The following TIMM50 variants were observed in gnomAD, a reference collection of about 807,000 sequenced individuals.
TIMM50 encodes mitochondrial import inner membrane translocase subunit TIM50.
Under a neutral mutation model 49.6 loss-of-function variants are expected in TIMM50, and 34 were observed. The ratio of observed to expected loss-of-function variants is 0.69; its 90% CI spans 0.52 to 0.91. TIMM50 has a LOEUF of 0.91. TIMM50 is among the 40% of genes least tolerant of loss of function. TIMM50 has a pLI of 0.00. For synonymous variants in TIMM50, 199 were observed against 198.4 expected, an observed-to-expected ratio of 1.00 and a Z score of -0.03; for missense variants, 458 against 477.8, an observed-to-expected ratio of 0.96 and a Z score of 0.39.
chr19:39,487,998 G>A, intron 8 of TIMM50, 63 bp from the exon 9 acceptor site: 1 of 1,559,574 alleles, frequency 6.4e-7, no homozygotes, highest in Non-Finnish European at 8.7e-7. Context: ...TGTGTGTTTT[G>A]GGTCTTCTTG....
In TIMM50 at chr19:39,492,313, C is replaced by G. The variant is rs2079550583; in HGVS notation, c.*2493C>G. On this transcript the variant is annotated 3_prime_UTR_variant, in exon 11 of 11. Coordinates refer to ENST00000607714, the MANE Select transcript of TIMM50 (RefSeq NM_001001563.5). ...TGGGCAACATGGGAAGAGCCTGTCT[C>G]TTGCGGGGGGGGGAGAAGAAAGTTC... The G allele has an allele frequency of 7.7e-6, 1 of 129,572 alleles. No individual in the cohort carries two copies. The highest frequency in any genetic ancestry group is 2.7e-4 in the South Asian group (1 of 3,686). 8.0% of individuals were successfully genotyped at this position (129,572 alleles called of 1,614,324 possible). A position where few individuals can be genotyped will look rare whatever the true frequency, so the allele number is the denominator to read the frequency against.
At chr19:39,486,891 G>A (rs1476225413) in intron 8 of TIMM50, among the ~76,000 whole-genome samples, 1 of 152,218 alleles carries the variant, frequency 6.6e-6, no homozygotes, top group African/African-American at 2.4e-5. Flanking sequence ...GTATTCAGGA[G>A]TCCGGATCTG....
intron 4 of TIMM50, chr19:39,485,273 T>G: frequency 2.0e-6 from 1 of 502,426 alleles, no homozygotes; most frequent in Non-Finnish European, 3.6e-6. Flanking sequence ...TGTATGTGGG[T>G]TTTAAGTGGG....
At chr19:39,482,471 C>T (rs559465198) in intron 2 of TIMM50, among the ~76,000 whole-genome samples, 1 of 150,212 alleles carries the variant, frequency 6.7e-6, no homozygotes, top group Non-Finnish European at 1.5e-5. Flanking sequence ...TCCTGGCTAA[C>T]ACGGTGAAAC....
rs369800453 is a variant in TIMM50, at chr19:39,488,127, C to A, written c.763C>A (p.Arg255Ser). 1 of 1,614,036 alleles carries A rather than the reference C, an allele frequency of 6.2e-7. No homozygotes were observed. The highest frequency in any genetic ancestry group is 1.3e-5 in the African/African-American group (1 of 75,046). ...VVVDCKKEAF[R>S]LQPYNGVALR... ...TGTGGACTGCAAGAAGGAAGCCTTC[C>A]GCCTGCAGCCCTATAACGGCGTTGC... Residue 255 changes from arginine to serine, a missense_variant, in exon 9 of 11, where the codon CGC (arginine) becomes AGC (serine). Coordinates refer to ENST00000607714, the MANE Select transcript of TIMM50 (RefSeq NM_001001563.5).
chr19:39,482,945 C>T, intron 3 of TIMM50, 29 bp downstream of exon 3: 1 of 1,614,146 alleles, frequency 6.2e-7, no homozygotes, highest in Non-Finnish European at 8.5e-7. Context: ...GAGGCCTTGC[C>T]AGGAGTCCTA....
chr19:39,483,788 G>C (rs925606453), intron 4 of TIMM50, among the ~76,000 whole-genome samples: 1 of 152,166 alleles, frequency 6.6e-6, no homozygotes, highest in South Asian at 2.1e-4. Context: ...AATTGGGCAG[G>C]TACATCTGCA....
chr19:39,487,010 G>A (rs6508864), intron 8 of TIMM50, among the ~76,000 whole-genome samples: 89,829 of 151,726 alleles, frequency 0.59, 27,283 homozygotes, highest in African/African-American at 0.72. Flanking sequence ...TCCAAAATAC[G>A]TGGGCTGTGA....
intron 4 of TIMM50, chr19:39,483,541 T>C: frequency 4.9e-6 from 1 of 203,550 alleles, no homozygotes. Flanking sequence ...CCTTCCTCTC[T>C]CCCCTTCTGG....
chr19:39,488,158 G>A lies in TIMM50; in HGVS notation c.794G>A (p.Arg265Gln), dbSNP rs917539473. The change falls in exon 9 of 11, where the codon CGG (arginine) becomes CAG (glutamine). Residue 265 changes from arginine (R) to glutamine (Q), a missense_variant. Arg to Gln is a conservative substitution (Grantham distance 43). Coordinates refer to ENST00000607714, the MANE Select transcript of TIMM50 (RefSeq NM_001001563.5). Reference protein sequence around the residue: ...RLQPYNGVALRPWDGNSDDRV... With the variant: ...RLQPYNGVALQPWDGNSDDRV... ...CAGCCCTATAACGGCGTTGCCCTGC[G>A]GCCCTGGGACGGCAACTCTGATGAC... is the stretch of plus-strand genomic sequence containing the variant. The A allele has an allele frequency of 7.4e-6, 12 of 1,614,036 alleles. No individual in the cohort carries two copies. The highest frequency in any genetic ancestry group is 2.2e-5 in the East Asian group (1 of 44,870).
Position 39,491,194 on chromosome 19 carries a change from T to G in TIMM50, c.*1374T>G, listed in dbSNP as rs564813811. On this transcript the variant is annotated 3_prime_UTR_variant, in exon 11 of 11. Transcript: ENST00000607714. ...TTGTTTTTTTTTTTTGAGACGGAGT[T>G]TCGCTCTTATTGCCCAGGCTGGAGT... 6.6e-6 allele frequency: 1 copy of G among 150,790 alleles called. No homozygotes were observed. Among genetic ancestry groups the G allele is most frequent in the Non-Finnish European group, 1.5e-5 (1 of 67,832 alleles). 9.3% of individuals were successfully genotyped at this position (150,790 alleles called of 1,614,324 possible). A position where few individuals can be genotyped will look rare whatever the true frequency, so the allele number is the denominator to read the frequency against.
intron 10 of TIMM50, among the ~76,000 whole-genome samples, chr19:39,489,220 C>G (rs2079527942): frequency 1.3e-5 from 2 of 151,702 alleles, no homozygotes; most frequent in Non-Finnish European, 2.9e-5. Flanking sequence ...ACCCCTGCAT[C>G]CAGAGAGGGG....
chr19:39,488,454 C>A, intron 9 of TIMM50, 85 bp from the exon 10 acceptor site: 2 of 1,303,662 alleles, frequency 1.5e-6, no homozygotes, highest in Admixed American at 1.8e-5. Flanking sequence ...TGCCCCCGTG[C>A]CCCAGTGCGG....
rs61272508 is a variant in TIMM50 at position 39,492,317 on chromosome 19, C to CG, written c.*2506dup. On this transcript the variant is annotated 3_prime_UTR_variant, in exon 11 of 11. Coordinates refer to ENST00000607714, the MANE Select transcript of TIMM50 (RefSeq NM_001001563.5). The stretch of plus-strand genomic sequence containing the variant: ...CAACATGGGAAGAGCCTGTCTCTTG[C>CG]GGGGGGGGGAGAAGAAAGTTCTTGT... The CG allele has an allele frequency of 0.31, 43,171 of 140,854 alleles. 6,738 individuals carry two copies. The highest frequency in any genetic ancestry group is 0.5 in the Middle Eastern group (134 of 266). The allele number at this position is 140,854 out of a possible 1,614,324, so 8.7% of individuals were successfully genotyped here.
intron 4 of TIMM50, 143 bp downstream of exon 4, chr19:39,483,299 G>T: frequency 2.7e-6 from 3 of 1,095,806 alleles, no homozygotes; most frequent in Non-Finnish European, 2.7e-6. Context: ...ATGGCTTTGT[G>T]GGGAGGGACA....
chr19:39,482,885 G>C lies in TIMM50; in HGVS notation c.260G>C (p.Gly87Ala), dbSNP rs776019250. ...ATATTCATCCTGGTCTCCCTTGCAG[G>C]AAACAACCCGGTGGACGAAAATGGT... ...GGTVSVVYIF[G>A]NNPVDENGAK... Residue 87 changes from glycine to alanine, a missense_variant and splice_region_variant, in exon 3 of 11, where the codon GGA becomes GCA. Gly to Ala is a moderately conservative substitution (Grantham distance 60, BLOSUM62 0). Transcript: ENST00000607714. 1 of 1,614,092 alleles carries C rather than the reference G, an allele frequency of 6.2e-7. No individual in the cohort carries two copies. Among genetic ancestry groups the C allele is most frequent in the Non-Finnish European group, 8.5e-7 (1 of 1,180,004 alleles).
chr19:39,483,557 C>T (rs758272256), intron 4 of TIMM50: 1 of 191,740 alleles, frequency 5.2e-6, no homozygotes, highest in African/African-American at 2.3e-5. Flanking sequence ...TCTGGTTAAC[C>T]AGCTTTTGGT....
At chr19:39,489,681 T>C (rs1431668820) in intron 10 of TIMM50, 38 bp from the exon 11 acceptor site, 4 of 1,558,480 alleles carry the variant, frequency 2.6e-6, no homozygotes, top group Admixed American at 1.9e-5. Flanking sequence ...CTGTCCACCT[T>C]GCGCTGACCC....
chr19:39,488,321 G>T, intron 9 of TIMM50, 104 bp downstream of exon 9: 1 of 1,386,498 alleles, frequency 7.2e-7, no homozygotes, highest in South Asian at 1.3e-5. Context: ...GGTGCAAGAG[G>T]TGCCTGAGCA....
Sources: gnomAD v4.1 joint callset for allele counts (sites outside exome capture counted in the v4.1 genomes callset) on GRCh38, gnomAD v4.1.1 for gene constraint, MANE v1.5 for transcripts, NCBI Gene and HGNC (gene_info 2026-07-23, HGNC 2026-07-21) for gene names.